The following KCNIP3 variants were observed in gnomAD, a reference collection of about 807,000 sequenced individuals.
The protein encoded by KCNIP3 is potassium voltage-gated channel interacting protein 3, also known as calsenilin.
In KCNIP3, 28 loss-of-function variants were observed where a neutral mutation model predicts 35.0. The ratio of observed to expected loss-of-function variants is 0.80; its 90% CI spans 0.59 to 1.10. The LOEUF (loss-of-function observed/expected upper bound fraction) is 1.10, where lower values mean the gene tolerates loss of function less well. KCNIP3 is among the 50% of genes least tolerant of loss of function. The pLI, the probability that KCNIP3 is intolerant of heterozygous loss-of-function variation, is 0.00. For synonymous variants in KCNIP3, 134 were observed against 133.8 expected (o/e 1.00, Z -0.01); for missense variants, 295 against 338.4 (o/e 0.87, Z 1.01).
chr2:95,312,421 C>G (rs1007926798), intron 2 of KCNIP3: 1 of 152,346 alleles, frequency 6.6e-6, no homozygotes. Context: ...CCCATCCCAC[C>G]TCACGGAAGC....
intron 2 of KCNIP3, among the ~76,000 whole-genome samples, chr2:95,321,159 C>T (rs1678587567): frequency 6.6e-6 from 1 of 151,662 alleles, no homozygotes; most frequent in East Asian, 1.9e-4. Context: ...TCCTCCCCGG[C>T]ACCCCCAGCC....
At chr2:95,322,928 G>T (rs1415476862) in intron 2 of KCNIP3, among the ~76,000 whole-genome samples, 3 of 152,198 alleles carry the variant, frequency 2.0e-5, no homozygotes, top group Non-Finnish European at 4.4e-5. Flanking sequence ...TGCCAATGAG[G>T]CAGAGTTCAT....
At chr2:95,345,763 A>T (rs550139979) in intron 2 of KCNIP3, among the ~76,000 whole-genome samples, 155 of 152,278 alleles carry the variant, frequency 1.0e-3, no homozygotes, top group Non-Finnish European at 2.1e-3. Context: ...GGCTCCAAGG[A>T]CCCCGGGCTC....
chr2:95,374,057 G>T (rs928339321), intron 2 of KCNIP3, among the ~76,000 whole-genome samples: 2 of 152,252 alleles, frequency 1.3e-5, no homozygotes, highest in African/African-American at 2.4e-5. Context: ...GGGGCACACT[G>T]CAGGGGCTGC....
chr2:95,383,702 C>T (rs1234693699), intron 8 of KCNIP3, among the ~76,000 whole-genome samples: 2 of 152,222 alleles, frequency 1.3e-5, no homozygotes, highest in Admixed American at 6.5e-5. Flanking sequence ...CTCTATTGCC[C>T]CACTCCCAGA....
rs1680204772 is a variant in KCNIP3 at position 95,376,668 on chromosome 2, A to G, written c.447+1460A>G. 6.6e-6 allele frequency among the ~76,000 whole-genome samples: 1 copy of G among 152,244 alleles called. No individual in the cohort carries two copies. Among genetic ancestry groups the G allele is most frequent in the African/African-American group, 2.4e-5 (1 of 41,460 alleles). On this transcript the variant is annotated intron_variant, in intron 5 of 8. Transcript: ENST00000295225. The surrounding 1 kb of genome is among the most constrained non-coding windows in gnomAD (Gnocchi z 4.2). ...TTACCTTGAGGAACTTCTCGATTTC[A>G]AAGTGTTCTGCTCTGGGAAGGAGGA...
chr2:95,366,167 C>T (rs1167394270), intron 2 of KCNIP3, among the ~76,000 whole-genome samples: 2 of 152,094 alleles, frequency 1.3e-5, no homozygotes, highest in Non-Finnish European at 2.9e-5. Flanking sequence ...AGAACAATGT[C>T]GTCACCACAA....
chr2:95,363,225 T>A (rs1358097503), intron 2 of KCNIP3, among the ~76,000 whole-genome samples: 2 of 152,216 alleles, frequency 1.3e-5, no homozygotes, highest in East Asian at 3.8e-4. Flanking sequence ...TCTTTTACAT[T>A]TTATTATAGC....
rs1680263516 is a variant in KCNIP3 at position 95,378,721 on chromosome 2, A to C, written c.448-2875A>C. On this transcript the variant is annotated intron_variant, in intron 5 of 8. Coordinates refer to ENST00000295225, the MANE Select transcript of KCNIP3 (RefSeq NM_013434.5). This position sits in a 1 kb window ranked among gnomAD's most constrained non-coding sequence, Gnocchi z 4.0. ...GAGATTGCACCACTGTACTCCATCC[A>C]GCCTGGGTGACAGAGTGAGACTCAA... 6.6e-6 allele frequency among the ~76,000 whole-genome samples: 1 copy of C among 151,610 alleles called. No individual in the cohort carries two copies. The highest frequency in any genetic ancestry group is 2.4e-5 in the African/African-American group (1 of 41,242).
chr2:95,362,940 C>T (rs1390373735), intron 2 of KCNIP3, among the ~76,000 whole-genome samples: 2 of 152,142 alleles, frequency 1.3e-5, no homozygotes, highest in Non-Finnish European at 2.9e-5. Flanking sequence ...TGCTAATTTA[C>T]GTGTTCCTGT....
chr2:95,384,169 TACACAC>T lies in KCNIP3; in HGVS notation c.*152_*157del, dbSNP rs58903840. On this transcript the variant is annotated 3_prime_UTR_variant, in exon 9 of 9. Coordinates refer to ENST00000295225, the MANE Select transcript of KCNIP3 (RefSeq NM_013434.5). ...GATTTGCAAAAAGTGAACAGATTGC[TACACAC>T]ACACACACACACACACACACACACA... The T allele has an allele frequency of 8.9e-4, 456 of 513,210 alleles. No individual in the cohort carries two copies. Among genetic ancestry groups the T allele is most frequent in the African/African-American group, 1.1e-3 (56 of 50,680 alleles). The allele number at this position is 513,210 out of a possible 1,614,324, so 31.8% of individuals were successfully genotyped here.
At chr2:95,370,795 C>T (rs542959046) in intron 2 of KCNIP3, among the ~76,000 whole-genome samples, 1 of 151,776 alleles carries the variant, frequency 6.6e-6, no homozygotes, top group South Asian at 2.1e-4. Flanking sequence ...AAGTTTTGCT[C>T]TGTCAACAGG....
rs185683267 is a variant in KCNIP3 at position 95,340,073 on chromosome 2, C to T, written c.181+29553C>T. 2.6e-5 allele frequency among the ~76,000 whole-genome samples: 4 copies of T among 152,358 alleles called. No homozygotes were observed. In the East Asian group the frequency reaches 5.8e-4, roughly 22 times the overall value. Reference sequence around the variant, plus strand: ...CCGTCCCAGGCTGGGCACGGTGGCTCATGCCTGTAATCACAGCACTTTGGG... The same window carrying T: ...CCGTCCCAGGCTGGGCACGGTGGCTTATGCCTGTAATCACAGCACTTTGGG... On this transcript the variant is annotated intron_variant, in intron 2 of 8. Coordinates refer to ENST00000295225, the MANE Select transcript of KCNIP3 (RefSeq NM_013434.5).
At chr2:95,346,921 C>T (rs1317375914) in intron 2 of KCNIP3, 5 of 636,810 alleles carry the variant, frequency 7.9e-6, no homozygotes, top group African/African-American at 3.9e-5. Context: ...TCGCCGCCCC[C>T]GAGAGGCCGT....
chr2:95,338,921 C>T (rs1679126458), intron 2 of KCNIP3, among the ~76,000 whole-genome samples: 2 of 152,140 alleles, frequency 1.3e-5, no homozygotes, highest in Admixed American at 6.5e-5. Context: ...AAGGCCCATC[C>T]CCAGAGAAAA....
At chr2:95,362,336 C>T (rs185176711) in intron 2 of KCNIP3, among the ~76,000 whole-genome samples, 23 of 152,222 alleles carry the variant, frequency 1.5e-4, no homozygotes, top group Middle Eastern at 3.4e-3. Flanking sequence ...GAACTCCCGA[C>T]CTCAGGTGAT....
intron 2 of KCNIP3, among the ~76,000 whole-genome samples, chr2:95,323,977 C>T (rs1300937652): frequency 1.3e-5 from 2 of 152,186 alleles, no homozygotes; most frequent in African/African-American, 2.4e-5. Context: ...GTGCCTCATC[C>T]ACACTCCGGG....
chr2:95,325,486 CA>C (rs535836314), intron 2 of KCNIP3, among the ~76,000 whole-genome samples: 1 of 152,234 alleles, frequency 6.6e-6, no homozygotes, highest in South Asian at 2.1e-4. Context: ...GCAGGAGGTT[CA>C]GGGGGCCAAG....
intron 2 of KCNIP3, among the ~76,000 whole-genome samples, chr2:95,337,256 G>A (rs535652174): frequency 6.6e-6 from 1 of 152,146 alleles, no homozygotes; most frequent in African/African-American, 2.4e-5. Flanking sequence ...CTCTTTTCTC[G>A]AGGATCATTG....
Sources: gnomAD v4.1 joint callset for allele counts (sites outside exome capture counted in the v4.1 genomes callset) on GRCh38, gnomAD v4.1.1 for gene constraint, Gnocchi (gnomAD v3.1) non-coding constraint, MANE v1.5 for transcripts, NCBI Gene and HGNC (gene_info 2026-07-23, HGNC 2026-07-21) for gene names.